CCDC3: variants seen among roughly 807,000 people sequenced by gnomAD.
The protein encoded by CCDC3 is coiled-coil domain-containing protein 3.
In CCDC3, 24 loss-of-function variants were observed where a neutral mutation model predicts 21.4. That is an observed-to-expected ratio of 1.12 (90% CI 0.81 to 1.58). The LOEUF (loss-of-function observed/expected upper bound fraction) is 1.58, where lower values mean the gene tolerates loss of function less well. CCDC3 is among the 40% of genes most tolerant of loss of function. The pLI, the probability that CCDC3 is intolerant of heterozygous loss-of-function variation, is 0.00. For synonymous variants in CCDC3, 186 were observed against 166.0 expected, an observed-to-expected ratio of 1.12 and a Z score of -0.93; for missense variants, 425 against 360.9, an observed-to-expected ratio of 1.18 and a Z score of -1.44.
At chr10:12,921,122 A>C (rs760157085) in intron 2 of CCDC3, among the ~76,000 whole-genome samples, 46 of 152,352 alleles carry the variant, frequency 3.0e-4, no homozygotes, top group Admixed American at 5.2e-4. Context: ...AAAATAAAAC[A>C]ACCTTTCCAG....
At chr10:13,090,340 G>C (rs925628979) in intron 3 of CCDC3, among the ~76,000 whole-genome samples, 1 of 151,962 alleles carries the variant, frequency 6.6e-6, no homozygotes, top group African/African-American at 2.4e-5. Flanking sequence ...CACCTGCCTT[G>C]GCCTCCCAAA....
intron 2 of CCDC3, among the ~76,000 whole-genome samples, chr10:12,903,180 G>A (rs35741360): frequency 0.2 from 30,919 of 152,268 alleles, 3,965 homozygotes; most frequent in Non-Finnish European, 0.29. Flanking sequence ...CCATGCCTCT[G>A]AGTAGGGGGA....
intron 2 of CCDC3, among the ~76,000 whole-genome samples, chr10:12,976,499 C>G (rs1002258262): frequency 2.0e-5 from 3 of 152,170 alleles, no homozygotes; most frequent in African/African-American, 7.2e-5. Flanking sequence ...ACCTCCATCA[C>G]ACAAAGCTGA....
upstream of CCDC3, among the ~76,000 whole-genome samples, chr10:13,004,925 A>C (rs921661803): frequency 4.6e-5 from 7 of 152,138 alleles, no homozygotes; most frequent in Admixed American, 4.6e-4. Context: ...CATCATTCAC[A>C]TGGGTCACAA....
At chr10:13,033,860 G>A (rs1333232148) in intron 5 of CCDC3, among the ~76,000 whole-genome samples, 1 of 152,222 alleles carries the variant, frequency 6.6e-6, no homozygotes, top group African/African-American at 2.4e-5. Flanking sequence ...TGGAGAGGAT[G>A]TGGAGAAATA....
At chr10:12,911,790 C>T (rs1404025182) in intron 2 of CCDC3, among the ~76,000 whole-genome samples, 1 of 152,168 alleles carries the variant, frequency 6.6e-6, no homozygotes, top group Non-Finnish European at 1.5e-5. Context: ...ATATTGTACC[C>T]TTTGAACAGC....
chr10:13,042,439 G>T (rs558853462), intron 5 of CCDC3, among the ~76,000 whole-genome samples: 1 of 152,252 alleles, frequency 6.6e-6, no homozygotes, highest in African/African-American at 2.4e-5. Flanking sequence ...CCATGGCCCA[G>T]TTGATGAGGT....
At chr10:12,957,649 T>A (rs1835112088) in intron 2 of CCDC3, among the ~76,000 whole-genome samples, 2 of 152,112 alleles carry the variant, frequency 1.3e-5, no homozygotes, top group Admixed American at 1.3e-4. Context: ...TCTCTCGAGA[T>A]CTGATTGTTT....
chr10:12,955,735 TTTG>T (rs1303997382), intron 2 of CCDC3, among the ~76,000 whole-genome samples: 3 of 151,676 alleles, frequency 2.0e-5, no homozygotes, highest in African/African-American at 4.8e-5. Flanking sequence ...GTGTTTGTTT[TTTG>T]TTGTTTATTT....
rs115309321 is a variant in CCDC3, at chr10:12,939,173, G to A, written c.550-40494C>T. ...CACTTCCGCATTCGCCCTTATCAAT[G>A]ACCTTGCTTCCTACTTTATAAATCT... On this transcript the variant is annotated intron_variant, in intron 2 of 2. Transcript: ENST00000378825. Among the ~76,000 whole-genome samples the A allele has an allele frequency of 3.5e-3, 532 of 152,124 alleles. 2 individuals are homozygous for A. The highest frequency in any genetic ancestry group is 0.012 in the African/African-American group (516 of 41,392).
upstream of CCDC3, among the ~76,000 whole-genome samples, chr10:13,004,780 C>T (rs554895039): frequency 2.2e-3 from 341 of 152,154 alleles, 3 homozygotes; most frequent in African/African-American, 7.7e-3. Context: ...GTTTCTGCCA[C>T]CATGGCCACT....
chr10:12,898,422 C>G lies in CCDC3; in HGVS notation c.807G>C (p.Arg269=), dbSNP rs868776620. 1.3e-6 allele frequency: 2 copies of G among 1,599,666 alleles called. No homozygotes were observed. Among genetic ancestry groups the G allele is most frequent in the Non-Finnish European group, 1.7e-6 (2 of 1,171,486 alleles). ...CTGGCAGCCCCCAGGCCCGTTACCCCCGCAGGTAGGGGGGGCGCACGGGCC... is the reference window on the plus strand; with the variant it reads ...CTGGCAGCCCCCAGGCCCGTTACCCGCGCAGGTAGGGGGGGCGCACGGGCC... ...ARGPVRPPYL[R]G Residue 269 remains arginine (R), a synonymous_variant, in exon 3 of 3, where the codon CGG becomes CGC. Coordinates refer to ENST00000378825, the MANE Select transcript of CCDC3 (RefSeq NM_031455.4).
intron 5 of CCDC3, among the ~76,000 whole-genome samples, chr10:13,045,873 G>C (rs544328): frequency 0.54 from 81,039 of 151,282 alleles, 22,746 homozygotes; most frequent in Non-Finnish European, 0.61. Context: ...GGGGGATCAT[G>C]AGGTCAAGAG....
chr10:12,966,888 T>G (rs990020230), intron 2 of CCDC3, among the ~76,000 whole-genome samples: 4 of 152,320 alleles, frequency 2.6e-5, no homozygotes, highest in African/African-American at 9.6e-5. Flanking sequence ...GTATCTTATC[T>G]CTTTGGGTCT....
chr10:13,069,745 T>A (rs1836861704), intron 4 of CCDC3, among the ~76,000 whole-genome samples: 1 of 152,220 alleles, frequency 6.6e-6, no homozygotes, highest in African/African-American at 2.4e-5. Context: ...CAAAATTGTA[T>A]GGGATGTCTA....
At chr10:12,950,073 A>G (rs1030907242) in intron 2 of CCDC3, among the ~76,000 whole-genome samples, 4 of 151,906 alleles carry the variant, frequency 2.6e-5, no homozygotes, top group African/African-American at 9.7e-5. Context: ...CCATGCCTTC[A>G]CTCTGGCCAT....
chr10:12,983,714 A>G (rs1378315068), intron 2 of CCDC3, among the ~76,000 whole-genome samples: 1 of 151,662 alleles, frequency 6.6e-6, no homozygotes, highest in African/African-American at 2.4e-5. Flanking sequence ...TTTACCAAAG[A>G]GGCCGGACAG....
At chr10:13,066,204 C>G (rs1404001233) in intron 4 of CCDC3, among the ~76,000 whole-genome samples, 1 of 151,798 alleles carries the variant, frequency 6.6e-6, no homozygotes, top group Non-Finnish European at 1.5e-5. Flanking sequence ...ATCACCCAAA[C>G]TGGAGTACAA....
At chr10:12,972,051 T>C (rs1371379458) in intron 2 of CCDC3, among the ~76,000 whole-genome samples, 1 of 152,110 alleles carries the variant, frequency 6.6e-6, no homozygotes, top group African/African-American at 2.4e-5. Context: ...TGGCTTCAAC[T>C]ATCACCTCCT....
Sources: gnomAD v4.1 joint callset for allele counts (sites outside exome capture counted in the v4.1 genomes callset) on GRCh38, gnomAD v4.1.1 for gene constraint, MANE v1.5 for transcripts, NCBI Gene and HGNC (gene_info 2026-07-23, HGNC 2026-07-21) for gene names.